ANKS1B: variants seen among roughly 807,000 people sequenced by gnomAD.
ANKS1B encodes the protein ankyrin repeat and sterile alpha motif domain containing 1B.
In ANKS1B, 36 loss-of-function variants were observed where a neutral mutation model predicts 148.3. The observed-to-expected ratio is 0.24, with a 90% CI of 0.19 to 0.32. ANKS1B has a LOEUF of 0.32. Ranked by LOEUF, ANKS1B falls within the 10% of genes least tolerant of loss-of-function variation. ANKS1B has a pLI of 1.00. For synonymous variants in ANKS1B, 542 were observed against 560.8 expected (o/e 0.97, Z 0.47); for missense variants, 1,157 against 1,542.6 (o/e 0.75, Z 4.19).
At chr12:99,313,334 A>T (rs1228928998) in intron 12 of ANKS1B, among the ~76,000 whole-genome samples, 6 of 152,320 alleles carry the variant, frequency 3.9e-5, no homozygotes, top group South Asian at 2.1e-4. Context: ...ATTCTACCAG[A>T]AGTACAAAGA....
chr12:98,861,953 G>T (rs776781900), intron 17 of ANKS1B, among the ~76,000 whole-genome samples: 2 of 151,912 alleles, frequency 1.3e-5, no homozygotes. Context: ...TCTTATGACA[G>T]ATGAGTTTTT....
At chr12:98,739,240 G>A (rs928826347), downstream of ANKS1B, among the ~76,000 whole-genome samples, 4 of 152,288 alleles carry the variant, frequency 2.6e-5, no homozygotes, top group African/African-American at 7.2e-5. Context: ...CATTTCATTC[G>A]TTACTCACTT....
rs1349747119 is a variant in ANKS1B, at chr12:99,984,305, C to G, written c.-68G>C. On this transcript the variant is annotated 5_prime_UTR_variant, in exon 1 of 27. Transcript: ENST00000683438. ...GTCCTCCTCCCCACCCACCCCCACT[C>G]CCCAAAATCCAGGGCCCTCTTCGCC... The G allele has an allele frequency of 6.9e-7, 1 of 1,443,304 alleles. No individual in the cohort carries two copies. Among genetic ancestry groups the G allele is most frequent in the African/African-American group, 1.4e-5 (1 of 71,264 alleles). The allele number at this position is 1,443,304 out of a possible 1,614,324, so 89.4% of individuals were successfully genotyped here.
intron 1 of ANKS1B, among the ~76,000 whole-genome samples, chr12:99,947,314 A>G (rs1384374665): frequency 6.6e-6 from 1 of 151,960 alleles, no homozygotes; most frequent in East Asian, 1.9e-4. Flanking sequence ...GCAATACAAA[A>G]CACCAAAGGA....
chr12:99,246,313 A>T lies in ANKS1B; in HGVS notation c.2308T>A (p.Ser770Thr). The T allele has an allele frequency of 6.2e-7, 1 of 1,603,240 alleles. No individual in the cohort carries two copies. The stretch of plus-strand genomic sequence containing the variant: ...GATGTGAAGGATGGTGTTCTTTCAG[A>T]ATTCCCTTTAGAACTGTGTTCAGCA... ...STAEHSSKGN[S>T]ERTPSFTSEW... Residue 770 changes from serine (S) to threonine (T), a missense_variant, in exon 13 of 27, where the codon TCT becomes ACT. Ser to Thr is a moderately conservative substitution (Grantham distance 58). Coordinates refer to ENST00000683438, the MANE Select transcript of ANKS1B (RefSeq NM_001352186.2).
chr12:98,794,509 T>C lies in ANKS1B; in HGVS notation c.3342+4425A>G, dbSNP rs2098929453. On this transcript the variant is annotated intron_variant, in intron 22 of 26. Transcript: ENST00000683438. Reference sequence around the variant, plus strand: ...CATGTGTATCAAGAAGTGTTATTTCTGTCTGGGGCCCATCCACCCTGGCCA... The same window carrying C: ...CATGTGTATCAAGAAGTGTTATTTCCGTCTGGGGCCCATCCACCCTGGCCA... 11 of 574,486 alleles carry C rather than the reference T, an allele frequency of 1.9e-5. No individual in the cohort carries two copies. In the South Asian group the frequency reaches 2.0e-4, roughly 10 times the overall value. 35.6% of individuals were successfully genotyped at this position (574,486 alleles called of 1,614,324 possible).
rs536312070 is a variant in ANKS1B at position 99,969,379 on chromosome 12, T to C, written c.134+14725A>G. Among the ~76,000 whole-genome samples, 4 of 152,284 alleles carry C rather than the reference T, an allele frequency of 2.6e-5. No individual in the cohort carries two copies. The South Asian group carries it at 6.2e-4, about 24-fold the overall frequency. On this transcript the variant is annotated intron_variant, in intron 1 of 26. Transcript: ENST00000683438. ...TTTTATTTTCTGTAGAAACAGGATC[T>C]TATTATGTTGCCCAGCCTGGTCTTG...
intron 25 of ANKS1B, among the ~76,000 whole-genome samples, chr12:98,765,119 AT>A (rs528496173): frequency 6.6e-6 from 1 of 152,230 alleles, no homozygotes. Context: ...TGCTTCTGCT[AT>A]TCTCTGTGTC....
intron 12 of ANKS1B, among the ~76,000 whole-genome samples, chr12:99,395,030 T>C (rs917632124): frequency 3.9e-5 from 6 of 152,174 alleles, no homozygotes; most frequent in Non-Finnish European, 7.4e-5. Context: ...TTTTCTCATA[T>C]ACCATGTCCA....
intron 15 of ANKS1B, among the ~76,000 whole-genome samples, chr12:99,133,742 CTT>C (rs1384139218): frequency 1.3e-5 from 2 of 152,208 alleles, no homozygotes; most frequent in Non-Finnish European, 2.9e-5. Flanking sequence ...CGGGCTGTCT[CTT>C]TGCAATCTTA....
At chr12:98,981,347 C>G (rs1257153526) in intron 17 of ANKS1B, among the ~76,000 whole-genome samples, 2 of 151,210 alleles carry the variant, frequency 1.3e-5, no homozygotes, top group African/African-American at 4.9e-5. Context: ...TTTGCTTTTG[C>G]TTTTTTGAGG....
intron 14 of ANKS1B, among the ~76,000 whole-genome samples, chr12:99,181,331 C>G (rs1404847864): frequency 2.6e-5 from 4 of 152,066 alleles, no homozygotes; most frequent in Non-Finnish European, 4.4e-5. Flanking sequence ...AAAGCCCCAA[C>G]CATCCACTGA....
intron 10 of ANKS1B, among the ~76,000 whole-genome samples, chr12:99,460,124 T>C (rs1226804313): frequency 2.0e-5 from 3 of 151,792 alleles, no homozygotes; most frequent in African/African-American, 7.2e-5. Context: ...ATGTTTACTG[T>C]CAACCAGTCT....
At chr12:99,301,878 G>A (rs1039186795) in intron 12 of ANKS1B, among the ~76,000 whole-genome samples, 2 of 152,128 alleles carry the variant, frequency 1.3e-5, no homozygotes, top group Non-Finnish European at 2.9e-5. Context: ...GTCAAATGAG[G>A]TTAGTCTTTG....
At position 99,779,851 on chromosome 12, in the gene ANKS1B, C is replaced by T. The variant is rs1028634931; in HGVS notation, c.847+20G>A. ...ATCTTAACTTTAAGGCAAACTCATC[C>T]ATCATTCAATACTGTTTACCTTGTA... On this transcript the variant is annotated intron_variant, in intron 6 of 26. Transcript: ENST00000683438. 1 of 1,559,420 alleles carries T rather than the reference C, an allele frequency of 6.4e-7. No individual in the cohort carries two copies. The highest frequency in any genetic ancestry group is 1.4e-5 in the African/African-American group (1 of 73,686).
At chr12:99,191,361 G>A (rs1236302291) in intron 14 of ANKS1B, among the ~76,000 whole-genome samples, 1 of 152,126 alleles carries the variant, frequency 6.6e-6, no homozygotes, top group Non-Finnish European at 1.5e-5. Flanking sequence ...ACCCAAAGGA[G>A]TATAAATCAT....
chr12:99,552,180 T>C (rs1596895620), intron 9 of ANKS1B, among the ~76,000 whole-genome samples: 1 of 152,222 alleles, frequency 6.6e-6, no homozygotes, highest in Admixed American at 6.5e-5. Context: ...TCACACATTC[T>C]TGCAGAATCC....
chr12:99,359,908 C>T lies in ANKS1B; in HGVS notation c.1756+39723G>A, dbSNP rs570461100. 3.3e-5 allele frequency among the ~76,000 whole-genome samples: 5 copies of T among 151,894 alleles called. No individual in the cohort carries two copies. The South Asian group carries it at 6.2e-4, about 19-fold the overall frequency. Reference sequence around the variant, plus strand: ...TACAGTCTTGTTTCTCTATTCTTTCCATGGTTTTGGTAAAGTGTTAATAGT... The same window carrying T: ...TACAGTCTTGTTTCTCTATTCTTTCTATGGTTTTGGTAAAGTGTTAATAGT... On this transcript the variant is annotated intron_variant, in intron 12 of 26. Coordinates refer to ENST00000683438, the MANE Select transcript of ANKS1B (RefSeq NM_001352186.2).
At chr12:98,842,401 T>A (rs559924015) in intron 17 of ANKS1B, among the ~76,000 whole-genome samples, 2 of 152,288 alleles carry the variant, frequency 1.3e-5, no homozygotes, top group Admixed American at 1.3e-4. Flanking sequence ...AGAAAACATA[T>A]CAGTGGTTAT....
Sources: allele counts gnomAD v4.1 joint callset (sites outside exome capture counted in the v4.1 genomes callset), GRCh38; gene constraint gnomAD v4.1.1; transcripts MANE v1.5; gene names NCBI Gene and HGNC (gene_info 2026-07-23, HGNC 2026-07-21).